Variants in TUBB1 observed in about 807,000 individuals in gnomAD.
TUBB1 encodes tubulin beta-1 chain.
In TUBB1, 28 loss-of-function variants were observed where a neutral mutation model predicts 22.6. The ratio of observed to expected loss-of-function variants is 1.24; its 90% CI spans 0.92 to 1.70. The LOEUF is 1.70. Among genes scored for constraint, TUBB1 ranks in the 40% most tolerant of loss-of-function variants. The pLI is 0.00. For synonymous variants in TUBB1, 226 were observed against 238.0 expected (o/e 0.95, Z 0.46); for missense variants, 577 against 605.5 (o/e 0.95, Z 0.49).
rs1001538348 is a variant in TUBB1, at chr20:59,019,431, A to G, written c.-92A>G. 7 of 1,474,202 alleles carry G rather than the reference A, an allele frequency of 4.7e-6. No homozygotes were observed. The African/African-American group carries it at 9.7e-5, about 20-fold the overall frequency. 91.3% of individuals were successfully genotyped at this position (1,474,202 alleles called of 1,614,324 possible). On this transcript the variant is annotated 5_prime_UTR_variant, in exon 1 of 4. Transcript: ENST00000217133. ...CCAGTCCCACCACTGCAGTGACCAC[A>G]GTTGTGTTGGGCTCACACCAGTGAA...
intron 1 of TUBB1, among the ~76,000 whole-genome samples, 189 bp from the exon 2 acceptor site, chr20:59,022,656 A>T (rs190082630): frequency 6.6e-6 from 1 of 152,304 alleles, no homozygotes; most frequent in African/African-American, 2.4e-5. Flanking sequence ...CAATCTTCAT[A>T]TTACTTCACA....
intron 1 of TUBB1, among the ~76,000 whole-genome samples, chr20:59,021,430 A>G (rs553268269): frequency 1.3e-5 from 2 of 152,338 alleles, no homozygotes; most frequent in Admixed American, 6.5e-5. Flanking sequence ...CCATGGCCAG[A>G]GCAGCACTGT....
chr20:59,019,343 G>A (rs1405714845), upstream of TUBB1: 1 of 682,202 alleles, frequency 1.5e-6, no homozygotes, highest in African/African-American at 1.8e-5. Context: ...CTGGCTGAGG[G>A]CGGGGAGCTG....
At position 59,024,735 on chromosome 20, in the gene TUBB1, A is replaced by G; in HGVS notation, c.1308A>G (p.Glu436=). ...CCAAAGCAGTTCTAGAGGAAGATGAAGAGGTCACGGAGGAGGCAGAAATGG... is the reference window on the plus strand; with the variant it reads ...CCAAAGCAGTTCTAGAGGAAGATGAGGAGGTCACGGAGGAGGCAGAAATGG... ...QDAKAVLEED[E]EVTEEAEMEP... is the part of the protein sequence containing the mutation. The change falls in exon 4 of 4, where the codon GAA becomes GAG. Residue 436 remains glutamate (E), a synonymous_variant. Transcript: ENST00000217133. The surrounding 1 kb of genome is among the most constrained non-coding windows in gnomAD (Gnocchi z 4.9). The G allele has an allele frequency of 6.2e-7, 1 of 1,614,172 alleles. No homozygotes were observed. Among genetic ancestry groups the G allele is most frequent in the Non-Finnish European group, 8.5e-7 (1 of 1,180,038 alleles).
At position 59,022,964 on chromosome 20, in the gene TUBB1, C is replaced by A. The variant is rs769273920; in HGVS notation, c.166+11C>A. 5 of 1,610,002 alleles carry A rather than the reference C, an allele frequency of 3.1e-6. No individual in the cohort carries two copies. In the African/African-American group the frequency reaches 5.4e-5, roughly 17 times the overall value. On this transcript the variant is annotated intron_variant, in intron 2 of 3. Coordinates refer to ENST00000217133, the MANE Select transcript of TUBB1 (RefSeq NM_030773.4). ...ACAACGAAGCCTACGGTAGGACTGG[C>A]GGGGCTCTGGGAGCAGTGGTCCCGC...
At chr20:59,023,075 G>T in intron 2 of TUBB1, 122 bp downstream of exon 2, 4 of 918,722 alleles carry the variant, frequency 4.4e-6, no homozygotes, top group Non-Finnish European at 6.8e-6. Context: ...GAGGCGACAG[G>T]CAGGGCAGCA....
In TUBB1 at chr20:59,024,626, G is replaced by A. The variant is rs781589173; in HGVS notation, c.1199G>A (p.Ser400Asn). Reference protein sequence around the residue: ...KRKAFVHWYTSEGMDINEFGE... With the variant: ...KRKAFVHWYTNEGMDINEFGE... ...AAAGCTTTTGTGCACTGGTACACCA[G>A]CGAAGGGATGGACATAAACGAATTT... The change falls in exon 4 of 4, where the codon AGC (serine) becomes AAC (asparagine). Residue 400 changes from serine (S) to asparagine (N), a missense_variant. Transcript: ENST00000217133. This position sits in a 1 kb window ranked among gnomAD's most constrained non-coding sequence, Gnocchi z 4.9. 52 of 1,614,080 alleles carry A rather than the reference G, an allele frequency of 3.2e-5. No homozygotes were observed. The highest frequency in any genetic ancestry group is 3.8e-5 in the Non-Finnish European group (45 of 1,180,052).
chr20:59,019,878 T>C (rs2091960209), intron 1 of TUBB1, among the ~76,000 whole-genome samples: 1 of 152,198 alleles, frequency 6.6e-6, no homozygotes, highest in African/African-American at 2.4e-5. Flanking sequence ...TTATATTACA[T>C]AATACGTTTA....
At chr20:59,023,358 CTCGA>C in intron 2 of TUBB1, 128 bp from the exon 3 acceptor site, 1 of 790,648 alleles carries the variant, frequency 1.3e-6, no homozygotes, top group Non-Finnish European at 2.2e-6. Flanking sequence ...ATACTCAAAT[CTCGA>C]CCTACCAAGG....
At chr20:59,018,117 C>T (rs573773134), upstream of TUBB1, among the ~76,000 whole-genome samples, 16 of 152,354 alleles carry the variant, frequency 1.1e-4, no homozygotes, top group Admixed American at 2.6e-4. Context: ...TCTCCCCTTC[C>T]GAGCCAGGGC....
At chr20:59,019,427 C>CCA, upstream of TUBB1, 1 of 1,459,578 alleles carries the variant, frequency 6.9e-7, no homozygotes, top group Non-Finnish European at 9.6e-7. Flanking sequence ...ACTGCAGTGA[C>CCA]CACAGTTGTG....
chr20:59,023,605 GT>G lies in TUBB1; in HGVS notation c.277+10del, dbSNP rs1289496980. ...AACCCGACAGTTTTGTCCATGGTAT[GT>G]TTTTCCAGAAGGTTCCACCAGGAGG... On this transcript the variant is annotated splice_donor_region_variant and intron_variant, in intron 3 of 3. Transcript: ENST00000217133. 1.2e-6 allele frequency: 2 copies of G among 1,614,142 alleles called. No homozygotes were observed. Among genetic ancestry groups the G allele is most frequent in the Non-Finnish European group, 1.7e-6 (2 of 1,180,008 alleles).
upstream of TUBB1, among the ~76,000 whole-genome samples, chr20:59,017,299 C>T (rs2091948944): frequency 6.6e-6 from 1 of 152,198 alleles, no homozygotes; most frequent in Admixed American, 6.5e-5. Flanking sequence ...GGTCCTGGAT[C>T]CAGCCCAGGA....
intron 1 of TUBB1, among the ~76,000 whole-genome samples, chr20:59,021,297 C>G (rs1489590963): frequency 6.6e-6 from 1 of 152,174 alleles, no homozygotes; most frequent in Non-Finnish European, 1.5e-5. Flanking sequence ...GCTGACTCAT[C>G]ATTTAGAGAT....
chr20:59,024,581 T>C lies in TUBB1; in HGVS notation c.1154T>C (p.Phe385Ser). The C allele has an allele frequency of 6.2e-7, 1 of 1,614,126 alleles. No homozygotes were observed. The highest frequency in any genetic ancestry group is 8.5e-7 in the Non-Finnish European group (1 of 1,180,032). ...QEIFNRVSEH[F>S]SAMFKRKAFV... is the part of the protein sequence containing the mutation. ...ATCTTTAATAGGGTCTCTGAGCATT[T>C]CTCAGCCATGTTCAAAAGGAAAGCT... The change falls in exon 4 of 4, where the codon TTC (phenylalanine) becomes TCC (serine). Residue 385 changes from phenylalanine to serine, a missense_variant. Coordinates refer to ENST00000217133, the MANE Select transcript of TUBB1 (RefSeq NM_030773.4). This position sits in a 1 kb window ranked among gnomAD's most constrained non-coding sequence, Gnocchi z 4.9.
At position 59,024,481 on chromosome 20, in the gene TUBB1, G is replaced by T; in HGVS notation, c.1054G>T (p.Ala352Ser). ...VEWIPNNVKV[A>S]VCDIPPRGLS... The stretch of plus-strand genomic sequence containing the variant: ...GTGGATTCCCAACAACGTCAAGGTG[G>T]CTGTCTGCGACATCCCGCCCCGGGG... The change falls in exon 4 of 4, where the codon GCT (alanine) becomes TCT (serine). Residue 352 changes from alanine (A) to serine (S), a missense_variant. Ala to Ser is a moderately conservative substitution (Grantham distance 99). Coordinates refer to ENST00000217133, the MANE Select transcript of TUBB1 (RefSeq NM_030773.4). The surrounding 1 kb of genome is among the most constrained non-coding windows in gnomAD (Gnocchi z 4.9). 2.5e-6 allele frequency: 4 copies of T among 1,614,198 alleles called. No individual in the cohort carries two copies. The highest frequency in any genetic ancestry group is 3.4e-6 in the Non-Finnish European group (4 of 1,180,046).
intron 1 of TUBB1, among the ~76,000 whole-genome samples, chr20:59,020,766 C>T (rs1287212791): frequency 2.7e-5 from 4 of 150,778 alleles, no homozygotes; most frequent in African/African-American, 9.8e-5. Context: ...TTTCCCTTGC[C>T]CCCCTGCTTA....
rs2091959079 is a variant in TUBB1, at chr20:59,019,622, A to G, written c.57+43A>G. On this transcript the variant is annotated intron_variant, in intron 1 of 3. Transcript: ENST00000217133. ...ACTAATCCTAGCTTTACCACAGTCCATAGAGGCGGACAACCAAAAAAATAC... is the reference window on the plus strand; with the variant it reads ...ACTAATCCTAGCTTTACCACAGTCCGTAGAGGCGGACAACCAAAAAAATAC... The G allele has an allele frequency of 6.8e-6, 11 of 1,606,856 alleles. No homozygotes were observed. The East Asian group carries it at 2.2e-4, about 33-fold the overall frequency.
chr20:59,019,452 G>T lies in TUBB1; in HGVS notation c.-71G>T. On this transcript the variant is annotated 5_prime_UTR_variant, in exon 1 of 4. Coordinates refer to ENST00000217133, the MANE Select transcript of TUBB1 (RefSeq NM_030773.4). ...CCACAGTTGTGTTGGGCTCACACCAGTGAACCGAAGCTCTGGATTCTGAGA... is the reference window on the plus strand; with the variant it reads ...CCACAGTTGTGTTGGGCTCACACCATTGAACCGAAGCTCTGGATTCTGAGA... The T allele has an allele frequency of 1.3e-6, 2 of 1,581,504 alleles. No individual in the cohort carries two copies. The highest frequency in any genetic ancestry group is 8.7e-7 in the Non-Finnish European group (1 of 1,150,702).
Sources: allele counts gnomAD v4.1 joint callset (sites outside exome capture counted in the v4.1 genomes callset), GRCh38; gene constraint gnomAD v4.1.1; non-coding constraint Gnocchi (gnomAD v3.1); transcripts MANE v1.5; gene names NCBI Gene and HGNC (gene_info 2026-07-23, HGNC 2026-07-21).